Variants in TMTC1 observed in about 807,000 individuals in gnomAD.
TMTC1 encodes transmembrane O-mannosyltransferase targeting cadherins 1.
In TMTC1, 73 loss-of-function variants were observed where a neutral mutation model predicts 104.8. The ratio of observed to expected loss-of-function variants is 0.70; its 90% CI spans 0.58 to 0.85. The LOEUF is 0.85. Ranked by LOEUF, TMTC1 falls within the 40% of genes least tolerant of loss-of-function variation. The probability of loss-of-function intolerance (pLI) is 0.00; values close to 1 mark genes in which losing one functional copy is unlikely to be tolerated. For missense variants in TMTC1, 1,035 were observed against 1,096.1 expected, an observed-to-expected ratio of 0.94 and a Z score of 0.79; for synonymous variants, 434 against 428.7, an observed-to-expected ratio of 1.01 and a Z score of -0.15.
chr12:29,634,070 C>T (rs964299601), intron 5 of TMTC1, among the ~76,000 whole-genome samples: 6 of 152,214 alleles, frequency 3.9e-5, no homozygotes, highest in African/African-American at 9.6e-5. Flanking sequence ...GACAATCAAA[C>T]TCTAGCATAG....
intron 6 of TMTC1, among the ~76,000 whole-genome samples, chr12:29,629,996 T>C (rs980583455): frequency 9.9e-5 from 15 of 152,184 alleles, no homozygotes; most frequent in African/African-American, 2.9e-4. Context: ...AAAGTTCCCA[T>C]ACAACAAATT....
intron 10 of TMTC1, among the ~76,000 whole-genome samples, chr12:29,539,560 C>T (rs1351592123): frequency 6.6e-6 from 1 of 152,220 alleles, no homozygotes. Context: ...GACTAGCATT[C>T]CAAACATACC....
chr12:29,518,839 A>C (rs981458349), intron 12 of TMTC1, among the ~76,000 whole-genome samples: 1 of 152,202 alleles, frequency 6.6e-6, no homozygotes, highest in African/African-American at 2.4e-5. Context: ...AAGCAGTAAA[A>C]ACTAAAACCT....
intron 7 of TMTC1, among the ~76,000 whole-genome samples, chr12:29,589,008 A>T (rs552745711): frequency 6.6e-6 from 1 of 152,326 alleles, no homozygotes; most frequent in East Asian, 1.9e-4. Flanking sequence ...TCATGCAAGA[A>T]ACTACCTTTC....
chr12:29,739,144 C>A (rs1942759853), intron 5 of TMTC1, among the ~76,000 whole-genome samples: 1 of 152,102 alleles, frequency 6.6e-6, no homozygotes, highest in Admixed American at 6.6e-5. Flanking sequence ...ATGAGCTTGC[C>A]ACTGCCCTGT....
In TMTC1 at chr12:29,684,743, AAAATACAGTG is replaced by A. The variant is rs1044173017; in HGVS notation, c.939-51417_939-51408del. On this transcript the variant is annotated intron_variant, in intron 5 of 17. Coordinates refer to ENST00000539277, the MANE Select transcript of TMTC1 (RefSeq NM_001193451.2). The stretch of plus-strand genomic sequence containing the variant: ...GTAGCTGTAATGAGGATTAAATAAG[AAAATACAGTG>A]AAAACACTTAGCATAAGGCATGGGA... 6.6e-5 allele frequency among the ~76,000 whole-genome samples: 10 copies of A among 152,332 alleles called. No individual in the cohort carries two copies. In the East Asian group the frequency reaches 1.7e-3, roughly 26 times the overall value.
chr12:29,601,497 C>T (rs995576481), intron 7 of TMTC1, among the ~76,000 whole-genome samples: 3 of 152,314 alleles, frequency 2.0e-5, no homozygotes, highest in Non-Finnish European at 4.4e-5. Context: ...CTCTTAGAAG[C>T]TTGATCACCA....
intron 5 of TMTC1, among the ~76,000 whole-genome samples, chr12:29,702,750 T>C (rs902793974): frequency 4.6e-5 from 7 of 151,974 alleles, no homozygotes; most frequent in Admixed American, 3.9e-4. Context: ...CATTTCAGAG[T>C]TGTTTTCCTC....
chr12:29,761,986 G>C (rs757989260), intron 2 of TMTC1, among the ~76,000 whole-genome samples: 88 of 152,188 alleles, frequency 5.8e-4, no homozygotes, highest in Non-Finnish European at 1.1e-3. Context: ...AGGAGTTCAA[G>C]ACCAGCCTGG....
At chr12:29,750,299 T>C in intron 5 of TMTC1, among the ~76,000 whole-genome samples, 1 of 152,134 alleles carries the variant, frequency 6.6e-6, no homozygotes, top group South Asian at 2.1e-4. Flanking sequence ...TTTGGAAGCC[T>C]TCCCTGGCCA....
intron 5 of TMTC1, among the ~76,000 whole-genome samples, chr12:29,740,828 G>A (rs1375042218): frequency 2.6e-5 from 4 of 152,054 alleles, no homozygotes; most frequent in Admixed American, 1.3e-4. Context: ...TTTTAAAAGC[G>A]ACAGAGATAC....
chr12:29,656,022 A>C (rs1163561682), intron 5 of TMTC1, among the ~76,000 whole-genome samples: 1 of 152,142 alleles, frequency 6.6e-6, no homozygotes, highest in Non-Finnish European at 1.5e-5. Flanking sequence ...GGCCATAACC[A>C]CCTGGCAAGC....
intron 7 of TMTC1, among the ~76,000 whole-genome samples, chr12:29,591,742 CATTCGAAGAGA>C (rs2136356886): frequency 6.6e-6 from 1 of 152,310 alleles, no homozygotes; most frequent in Non-Finnish European, 1.5e-5. Flanking sequence ...TTATGATGCA[CATTCGAAGAGA>C]ATTTAATAGG....
upstream of TMTC1, chr12:29,784,496 C>G (rs1943911938): frequency 6.6e-6 from 1 of 152,284 alleles, no homozygotes; most frequent in Admixed American, 6.5e-5. Context: ...GCGGAGGAAC[C>G]CGCGGGGATA....
At chr12:29,614,333 C>T (rs1449534307) in intron 6 of TMTC1, among the ~76,000 whole-genome samples, 1 of 152,174 alleles carries the variant, frequency 6.6e-6, no homozygotes, top group Non-Finnish European at 1.5e-5. Flanking sequence ...AGACCCACAT[C>T]CCTACTTCTG....
chr12:29,581,977 A>G (rs1214506436), intron 8 of TMTC1, among the ~76,000 whole-genome samples: 2 of 152,282 alleles, frequency 1.3e-5, no homozygotes, highest in Non-Finnish European at 2.9e-5. Flanking sequence ...TGTGGAAAAA[A>G]AAAGATGCAT....
At chr12:29,774,985 A>G (rs530097590) in intron 1 of TMTC1, among the ~76,000 whole-genome samples, 23 of 152,272 alleles carry the variant, frequency 1.5e-4, no homozygotes, top group Non-Finnish European at 2.9e-4. Context: ...AAGCTGCCCC[A>G]TGGGAAGGGA....
At chr12:29,620,373 A>T (rs566406182) in intron 6 of TMTC1, among the ~76,000 whole-genome samples, 1 of 152,288 alleles carries the variant, frequency 6.6e-6, no homozygotes, top group Admixed American at 6.5e-5. Context: ...AATCTGGGCA[A>T]CACAACTCAA....
In TMTC1 at chr12:29,506,593, C is replaced by T. The variant is rs1199864748; in HGVS notation, c.*253G>A. ...ATCTGGAGTTAAACCAAACAAAAATCTGTAAAATGTGTAAATGTCATTCTC... is the reference window on the plus strand; with the variant it reads ...ATCTGGAGTTAAACCAAACAAAAATTTGTAAAATGTGTAAATGTCATTCTC... On this transcript the variant is annotated 3_prime_UTR_variant, in exon 18 of 18. Transcript: ENST00000539277. The T allele has an allele frequency of 6.8e-6, 3 of 440,798 alleles. No individual in the cohort carries two copies. The Admixed American group carries it at 1.1e-4, about 16-fold the overall frequency. 27.3% of individuals were successfully genotyped at this position (440,798 alleles called of 1,614,324 possible).
Sources: gnomAD v4.1 joint callset for allele counts (sites outside exome capture counted in the v4.1 genomes callset) on GRCh38, gnomAD v4.1.1 for gene constraint, MANE v1.5 for transcripts, NCBI Gene and HGNC (gene_info 2026-07-23, HGNC 2026-07-21) for gene names.